KIAA1328: variants seen among roughly 807,000 people sequenced by gnomAD.
KIAA1328 encodes KIAA1328, also known as protein hinderin.
A neutral mutation model predicts 68.1 loss-of-function variants in KIAA1328; 52 were observed. That is an observed-to-expected ratio of 0.76 (90% CI 0.61 to 0.96). The LOEUF (loss-of-function observed/expected upper bound fraction) is 0.96, where lower values mean the gene tolerates loss of function less well. Ranked by LOEUF, KIAA1328 falls within the 40% of genes least tolerant of loss-of-function variation. The probability of loss-of-function intolerance (pLI) is 0.00; values close to 1 mark genes in which losing one functional copy is unlikely to be tolerated. For missense variants in KIAA1328, 641 were observed against 677.6 expected, an observed-to-expected ratio of 0.95 and a Z score of 0.60; for synonymous variants, 232 against 239.4, an observed-to-expected ratio of 0.97 and a Z score of 0.28.
In KIAA1328 at chr18:37,223,788, C is replaced by A. The variant is rs2060603976; in HGVS notation, c.*1561C>A. On this transcript the variant is annotated 3_prime_UTR_variant, in exon 10 of 10. Coordinates refer to ENST00000280020, the MANE Select transcript of KIAA1328 (RefSeq NM_020776.3). ...AAGCTCATGTCTCTTCAGGCTGAGA[C>A]TGGCGCTGTCACCTCCACCCAGCCT... 1.0e-6 allele frequency: 1 copy of A among 985,318 alleles called. No homozygotes were observed. The highest frequency in any genetic ancestry group is 1.2e-6 in the Non-Finnish European group (1 of 829,946). 61.0% of individuals were successfully genotyped at this position (985,318 alleles called of 1,614,324 possible).
At chr18:36,913,586 A>C (rs2049561004) in intron 5 of KIAA1328, among the ~76,000 whole-genome samples, 1 of 144,178 alleles carries the variant, frequency 6.9e-6, no homozygotes, top group Non-Finnish European at 1.5e-5. Context: ...GAGGAAAGCA[A>C]CTGCCTGCCC....
At chr18:37,068,409 G>A (rs764337051) in intron 7 of KIAA1328, among the ~76,000 whole-genome samples, 5 of 152,118 alleles carry the variant, frequency 3.3e-5, no homozygotes, top group African/African-American at 7.2e-5. Context: ...TTCTTCCTAA[G>A]AACAGTGCTT....
At position 37,135,875 on chromosome 18, in the gene KIAA1328, T is replaced by C. The variant is rs532989837; in HGVS notation, c.1233-24325T>C. Among the ~76,000 whole-genome samples, 4 of 152,248 alleles carry C rather than the reference T, an allele frequency of 2.6e-5. No homozygotes were observed. The South Asian group carries it at 8.3e-4, about 32-fold the overall frequency. ...GTTAATTTTTGTATATGGTAAAAGG[T>C]AGCCGGTTACCCAATCATCATTATT... On this transcript the variant is annotated intron_variant, in intron 7 of 9. Coordinates refer to ENST00000280020, the MANE Select transcript of KIAA1328 (RefSeq NM_020776.3).
At chr18:37,106,134 G>A (rs150805764) in intron 7 of KIAA1328, among the ~76,000 whole-genome samples, 354 of 152,004 alleles carry the variant, frequency 2.3e-3, no homozygotes, top group Non-Finnish European at 3.4e-3. Context: ...CCAGCAGCTG[G>A]TGAATGGATA....
intron 7 of KIAA1328, among the ~76,000 whole-genome samples, chr18:37,084,974 G>A (rs547483295): frequency 3.0e-3 from 464 of 152,178 alleles, no homozygotes; most frequent in Non-Finnish European, 5.4e-3. Context: ...GATTCTATGC[G>A]GTCAGGCCTA....
chr18:36,886,942 C>T (rs2048521280), intron 5 of KIAA1328, among the ~76,000 whole-genome samples: 1 of 152,002 alleles, frequency 6.6e-6, no homozygotes, highest in African/African-American at 2.4e-5. Flanking sequence ...TTTTATTTTC[C>T]AAGCAGTGGG....
intron 5 of KIAA1328, among the ~76,000 whole-genome samples, chr18:36,905,783 G>C (rs775653764): frequency 6.6e-5 from 10 of 152,138 alleles, no homozygotes; most frequent in Non-Finnish European, 1.3e-4. Flanking sequence ...CATGATGGCA[G>C]ATGGAGATTG....
At chr18:36,976,645 T>C (rs1256618288) in intron 6 of KIAA1328, among the ~76,000 whole-genome samples, 1 of 151,776 alleles carries the variant, frequency 6.6e-6, no homozygotes, top group Non-Finnish European at 1.5e-5. Context: ...TAGATTATAT[T>C]ATATTACAAT....
intron 6 of KIAA1328, among the ~76,000 whole-genome samples, chr18:37,028,123 A>G (rs1258165134): frequency 1.3e-5 from 2 of 152,178 alleles, no homozygotes; most frequent in Non-Finnish European, 2.9e-5. Flanking sequence ...TGTGTTCTCA[A>G]TGTTAGCTCC....
At chr18:36,961,309 G>A (rs1409078543) in intron 6 of KIAA1328, among the ~76,000 whole-genome samples, 1 of 152,200 alleles carries the variant, frequency 6.6e-6, no homozygotes, top group South Asian at 2.1e-4. Flanking sequence ...GCAAATATGG[G>A]AATATGTGAA....
At chr18:37,010,157 T>C (rs549660345) in intron 6 of KIAA1328, among the ~76,000 whole-genome samples, 9 of 151,916 alleles carry the variant, frequency 5.9e-5, no homozygotes, top group Non-Finnish European at 1.2e-4. Flanking sequence ...AATAAAGATA[T>C]CTTAAGGCTG....
intron 5 of KIAA1328, among the ~76,000 whole-genome samples, chr18:36,955,432 C>A (rs371481243): frequency 1.3e-5 from 2 of 151,804 alleles, no homozygotes; most frequent in African/African-American, 4.8e-5. Flanking sequence ...GCCTCAGCCT[C>A]CCGAGTAGCT....
At chr18:36,970,462 C>T (rs1340432310) in intron 6 of KIAA1328, among the ~76,000 whole-genome samples, 5 of 151,998 alleles carry the variant, frequency 3.3e-5, no homozygotes, top group African/African-American at 4.8e-5. Flanking sequence ...CCAGGGCAAT[C>T]GGGGAAGAGA....
chr18:36,940,868 G>C (rs1447441382), intron 5 of KIAA1328, among the ~76,000 whole-genome samples: 1 of 151,934 alleles, frequency 6.6e-6, no homozygotes. Flanking sequence ...TAGAGATGGG[G>C]TTTCACCATG....
intron 6 of KIAA1328, among the ~76,000 whole-genome samples, chr18:36,999,989 G>A (rs1254349273): frequency 2.0e-5 from 3 of 151,744 alleles, no homozygotes. Flanking sequence ...AACAATGACA[G>A]GAACAAAGCC....
At chr18:36,997,549 G>A (rs1042745470) in intron 6 of KIAA1328, among the ~76,000 whole-genome samples, 6 of 152,156 alleles carry the variant, frequency 3.9e-5, no homozygotes, top group Non-Finnish European at 7.3e-5. Context: ...GACTGCTTTA[G>A]GGAGGCAGCT....
At chr18:36,894,629 G>T (rs543709399) in intron 5 of KIAA1328, among the ~76,000 whole-genome samples, 2 of 151,978 alleles carry the variant, frequency 1.3e-5, no homozygotes, top group South Asian at 2.1e-4. Context: ...GGCCCAAGCA[G>T]TCCTCCCACC....
intron 7 of KIAA1328, among the ~76,000 whole-genome samples, chr18:37,117,649 A>G (rs972319233): frequency 6.6e-6 from 1 of 152,188 alleles, no homozygotes; most frequent in Non-Finnish European, 1.5e-5. Context: ...TTATTTAAAA[A>G]AAAATTAAAA....
Position 36,829,184 on chromosome 18 carries a change from T to C in KIAA1328, c.46T>C (p.Trp16Arg). The C allele has an allele frequency of 6.5e-7, 1 of 1,532,586 alleles. No homozygotes were observed. The highest frequency in any genetic ancestry group is 8.8e-7 in the Non-Finnish European group (1 of 1,142,038). 94.9% of individuals were successfully genotyped at this position (1,532,586 alleles called of 1,614,324 possible). The change falls in exon 1 of 10, where the codon TGG (tryptophan) becomes CGG (arginine). Residue 16 changes from tryptophan to arginine, a missense_variant. Coordinates refer to ENST00000280020, the MANE Select transcript of KIAA1328 (RefSeq NM_020776.3). The part of the protein sequence containing the change: ...GPSRPSAAAF[W>R]SRDFSDEEQS... ...CTCCCGCCCCAGTGCCGCGGCGTTC[T>C]GGAGCCGGGACTGTATCCTTTGCCC...
Sources: gnomAD v4.1 joint callset for allele counts (sites outside exome capture counted in the v4.1 genomes callset) on GRCh38, gnomAD v4.1.1 for gene constraint, MANE v1.5 for transcripts, NCBI Gene and HGNC (gene_info 2026-07-23, HGNC 2026-07-21) for gene names.